COL21A1: variants seen among roughly 807,000 people sequenced by gnomAD.
The protein encoded by COL21A1 is collagen type XXI alpha 1 chain, also known as collagen alpha-1(XXI) chain.
A neutral mutation model predicts 137.9 loss-of-function variants in COL21A1; 149 were observed. The observed-to-expected ratio is 1.08, with a 90% confidence interval of 0.95 to 1.24. The LOEUF (loss-of-function observed/expected upper bound fraction) is 1.24, where lower values mean the gene tolerates loss of function less well. Ranked by LOEUF, COL21A1 falls within the 50% of genes most tolerant of loss-of-function variation. The probability of loss-of-function intolerance (pLI) is 0.00; values close to 1 mark genes in which losing one functional copy is unlikely to be tolerated. For synonymous variants in COL21A1, 456 were observed against 391.5 expected, an observed-to-expected ratio of 1.16 and a Z score of -1.95; for missense variants, 1,167 against 1,158.4, an observed-to-expected ratio of 1.01 and a Z score of -0.11.
intron 1 of COL21A1, among the ~76,000 whole-genome samples, chr6:56,299,808 A>G (rs1051765263): frequency 1.3e-5 from 2 of 152,096 alleles, no homozygotes; most frequent in African/African-American, 4.8e-5. Context: ...GATATGTCTT[A>G]CCTCAACATT....
chr6:56,165,058 G>A (rs1776470425), intron 7 of COL21A1, among the ~76,000 whole-genome samples: 1 of 151,926 alleles, frequency 6.6e-6, no homozygotes, highest in South Asian at 2.1e-4. Context: ...AGTAGAAGAA[G>A]AAAATTAGAA....
intron 18 of COL21A1, among the ~76,000 whole-genome samples, chr6:56,076,071 CTATAAT>C (rs1231004937): frequency 1.3e-5 from 2 of 151,320 alleles, no homozygotes; most frequent in African/African-American, 4.8e-5. Context: ...TGAGTTGGGG[CTATAAT>C]TATGAGAATT....
At chr6:56,207,493 T>C (rs1412678112) in intron 1 of COL21A1, among the ~76,000 whole-genome samples, 9 of 152,040 alleles carry the variant, frequency 5.9e-5, no homozygotes, top group South Asian at 2.1e-4. Flanking sequence ...CAGGAAGAAG[T>C]CGAGTCCCTG....
At chr6:56,352,462 G>T (rs1247477900) in intron 1 of COL21A1, among the ~76,000 whole-genome samples, 2 of 151,738 alleles carry the variant, frequency 1.3e-5, no homozygotes, top group Non-Finnish European at 2.9e-5. Context: ...AGATCGGCTG[G>T]AACAGTTAAA....
intron 1 of COL21A1, among the ~76,000 whole-genome samples, chr6:56,358,046 AT>A (rs1270651164): frequency 6.6e-6 from 1 of 152,216 alleles, no homozygotes; most frequent in Non-Finnish European, 1.5e-5. Context: ...GCTAAGCCTA[AT>A]ACAGCTCTTT....
At chr6:56,296,871 T>C (rs1305497516) in intron 1 of COL21A1, among the ~76,000 whole-genome samples, 1 of 152,050 alleles carries the variant, frequency 6.6e-6, no homozygotes, top group Non-Finnish European at 1.5e-5. Flanking sequence ...ATATGCCACA[T>C]TTTATCAAAG....
chr6:56,198,470 C>T (rs933374872), intron 1 of COL21A1, among the ~76,000 whole-genome samples: 2 of 151,860 alleles, frequency 1.3e-5, no homozygotes, highest in Non-Finnish European at 2.9e-5. Flanking sequence ...ATGTGGTCAA[C>T]CTAAAATATA....
At position 56,129,054 on chromosome 6, in the gene COL21A1, C is replaced by T. The variant is rs1218460679; in HGVS notation, c.1543-2905G>A. On this transcript the variant is annotated intron_variant, in intron 12 of 29. Coordinates refer to ENST00000244728, the MANE Select transcript of COL21A1 (RefSeq NM_030820.4). ...CAGAAAATAAACTTTCGTGTTTCTG[C>T]TACGGTGGAGGACAGATTCACTTGG... Among the ~76,000 whole-genome samples the T allele has an allele frequency of 1.1e-4, 16 of 152,188 alleles. No homozygotes were observed. The East Asian group carries it at 3.1e-3, about 29-fold the overall frequency.
intron 16 of COL21A1, among the ~76,000 whole-genome samples, chr6:56,107,900 T>G (rs1365430751): frequency 1.3e-5 from 2 of 151,998 alleles, no homozygotes; most frequent in Non-Finnish European, 2.9e-5. Flanking sequence ...TTATAAATAT[T>G]ATATAATCTG....
intron 3 of COL21A1, among the ~76,000 whole-genome samples, chr6:56,174,821 C>T (rs1301565581): frequency 1.3e-5 from 2 of 152,004 alleles, no homozygotes; most frequent in Non-Finnish European, 2.9e-5. Context: ...CCAGCATTAA[C>T]CTGATACCAA....
At chr6:56,372,499 A>G (rs2093991287) in intron 1 of COL21A1, among the ~76,000 whole-genome samples, 1 of 152,216 alleles carries the variant, frequency 6.6e-6, no homozygotes, top group Non-Finnish European at 1.5e-5. Context: ...AAATGCCCCA[A>G]TAAAGAAGCA....
intron 20 of COL21A1, 56 bp downstream of exon 20, chr6:56,074,176 A>G: frequency 8.0e-7 from 1 of 1,244,322 alleles, no homozygotes; most frequent in Non-Finnish European, 1.1e-6. Context: ...TCAAAGTTAT[A>G]AATGGCCACT....
intron 1 of COL21A1, among the ~76,000 whole-genome samples, chr6:56,258,201 CTT>C (rs1562027574): frequency 6.6e-6 from 1 of 152,074 alleles, no homozygotes; most frequent in African/African-American, 2.4e-5. Flanking sequence ...TTAGCAATAA[CTT>C]TTAAACAACA....
chr6:56,382,705 A>G (rs1211926540), intron 1 of COL21A1, among the ~76,000 whole-genome samples: 1 of 152,178 alleles, frequency 6.6e-6, no homozygotes, highest in Non-Finnish European at 1.5e-5. Context: ...CTGCAAAAAA[A>G]CAGCTGGAAG....
At chr6:56,259,981 A>G (rs1582738465) in intron 1 of COL21A1, among the ~76,000 whole-genome samples, 1 of 152,194 alleles carries the variant, frequency 6.6e-6, no homozygotes, top group Non-Finnish European at 1.5e-5. Context: ...TTATTGAGGA[A>G]AGAAAGCATG....
chr6:56,271,526 T>G (rs575721576), intron 1 of COL21A1, among the ~76,000 whole-genome samples: 1 of 152,188 alleles, frequency 6.6e-6, no homozygotes, highest in African/African-American at 2.4e-5. Flanking sequence ...AGCCCGACTA[T>G]GTGGTAGAAA....
chr6:56,099,883 G>T (rs1304911097), intron 17 of COL21A1, among the ~76,000 whole-genome samples: 1 of 152,002 alleles, frequency 6.6e-6, no homozygotes, highest in Non-Finnish European at 1.5e-5. Flanking sequence ...CTTCATGCCT[G>T]GTCTGTCAAA....
intron 1 of COL21A1, among the ~76,000 whole-genome samples, chr6:56,184,580 T>C (rs1244727711): frequency 6.6e-6 from 1 of 152,198 alleles, no homozygotes; most frequent in Non-Finnish European, 1.5e-5. Flanking sequence ...TTCACCTAGT[T>C]AATATTTACA....
intron 7 of COL21A1, 165 bp downstream of exon 7, chr6:56,166,741 T>C (rs2152269445): frequency 1.4e-6 from 1 of 700,164 alleles, no homozygotes; most frequent in East Asian, 2.7e-5. Flanking sequence ...ATTTCAATTA[T>C]AACCTCAAAA....
Sources: gnomAD v4.1 joint callset for allele counts (sites outside exome capture counted in the v4.1 genomes callset) on GRCh38, gnomAD v4.1.1 for gene constraint, MANE v1.5 for transcripts, NCBI Gene and HGNC (gene_info 2026-07-23, HGNC 2026-07-21) for gene names.